CENPN: variants seen among roughly 807,000 people sequenced by gnomAD.
The protein encoded by CENPN is interphase centromere complex protein 32.
Under a neutral mutation model 48.6 loss-of-function variants are expected in CENPN, and 36 were observed. The ratio of observed to expected loss-of-function variants is 0.74; its 90% CI spans 0.57 to 0.98. The LOEUF (loss-of-function observed/expected upper bound fraction) is 0.98, where lower values mean the gene tolerates loss of function less well. Ranked by LOEUF, CENPN falls within the 50% of genes least tolerant of loss-of-function variation. The probability of loss-of-function intolerance (pLI) is 0.00; values close to 1 mark genes in which losing one functional copy is unlikely to be tolerated. For synonymous variants in CENPN, 166 were observed against 135.2 expected, an observed-to-expected ratio of 1.23 and a Z score of -1.58; for missense variants, 439 against 399.2, an observed-to-expected ratio of 1.10 and a Z score of -0.85.
Position 81,014,116 on chromosome 16 carries a change from T to C in CENPN, c.172-20T>C. On this transcript the variant is annotated intron_variant, in intron 2 of 10. Coordinates refer to ENST00000305850, the MANE Select transcript of CENPN (RefSeq NM_001100624.3). ...CAAACCTATAACCACAGTTACTAAA[T>C]AATTTGTTTTCTCTTTTAGGAAAAG... The C allele has an allele frequency of 1.2e-6, 2 of 1,608,712 alleles. No individual in the cohort carries two copies. The highest frequency in any genetic ancestry group is 1.7e-6 in the Non-Finnish European group (2 of 1,175,344).
Position 81,029,102 on chromosome 16 carries a change from C to G in CENPN, c.*451C>G. On this transcript the variant is annotated 3_prime_UTR_variant, in exon 11 of 11. Transcript: ENST00000305850. The stretch of plus-strand genomic sequence containing the variant: ...ACAAGGAACTATACTCAACTCAAAA[C>G]TTTTTAGGAGAATCATGAAATTGGT... 1.0e-6 allele frequency: 1 copy of G among 985,748 alleles called. No individual in the cohort carries two copies. The highest frequency in any genetic ancestry group is 1.2e-6 in the Non-Finnish European group (1 of 830,246). The allele number at this position is 985,748 out of a possible 1,614,324, so 61.1% of individuals were successfully genotyped here.
At chr16:81,017,148 C>T in intron 3 of CENPN, 178 bp from the exon 4 acceptor site, 1 of 426,110 alleles carries the variant, frequency 2.3e-6, no homozygotes. Flanking sequence ...TTATGATTTG[C>T]TTTATTTATA....
At chr16:81,010,839 C>A (rs927629021) in intron 1 of CENPN, among the ~76,000 whole-genome samples, 1 of 152,144 alleles carries the variant, frequency 6.6e-6, no homozygotes, top group South Asian at 2.1e-4. Context: ...CTGGAAACCC[C>A]GTGAGTTCCC....
intron 5 of CENPN, among the ~76,000 whole-genome samples, chr16:81,018,533 A>G (rs189331331): frequency 5.3e-5 from 8 of 152,328 alleles, no homozygotes; most frequent in Non-Finnish European, 1.0e-4. Context: ...ACATGTAGCT[A>G]GTAGTTCCAG....
At chr16:81,018,257 A>G (rs977459636) in intron 5 of CENPN, among the ~76,000 whole-genome samples, 5 of 151,754 alleles carry the variant, frequency 3.3e-5, no homozygotes, top group Admixed American at 3.3e-4. Flanking sequence ...GCTCACTGCA[A>G]CTGCCTCCTG....
chr16:81,014,980 A>C (rs556942790), intron 3 of CENPN, among the ~76,000 whole-genome samples: 16 of 152,366 alleles, frequency 1.1e-4, no homozygotes, highest in African/African-American at 3.8e-4. Flanking sequence ...CTGTAGGCTA[A>C]TGTAAGTGCT....
At chr16:81,026,028 C>T (rs1970451742) in intron 8 of CENPN, among the ~76,000 whole-genome samples, 1 of 146,840 alleles carries the variant, frequency 6.8e-6, no homozygotes, top group African/African-American at 2.5e-5. Flanking sequence ...AAAAAAAATA[C>T]ATATATAGGC....
intron 6 of CENPN, among the ~76,000 whole-genome samples, chr16:81,020,795 G>A (rs1970153771): frequency 6.6e-6 from 1 of 152,054 alleles, no homozygotes; most frequent in African/African-American, 2.4e-5. Flanking sequence ...ATGGTTATTA[G>A]AAAAGCCAGG....
At position 81,011,947 on chromosome 16, in the gene CENPN, A is replaced by G; in HGVS notation, c.8A>G (p.Glu3Gly). The change falls in exon 2 of 11, where the codon GAG (glutamate) becomes GGG (glycine). Residue 3 changes from glutamate (E) to glycine (G), a missense_variant. Transcript: ENST00000305850. MD[E>G]TVAEFIKRTI... ...TGTAAAAGTGCCAAAGAGATGGATGAGACTGTTGCTGAGTTCATCAAGAGG... is the reference window on the plus strand; with the variant it reads ...TGTAAAAGTGCCAAAGAGATGGATGGGACTGTTGCTGAGTTCATCAAGAGG... 6.2e-7 allele frequency: 1 copy of G among 1,613,666 alleles called. No individual in the cohort carries two copies. Among genetic ancestry groups the G allele is most frequent in the African/African-American group, 1.3e-5 (1 of 75,034 alleles).
chr16:81,016,077 A>G (rs999441627), intron 3 of CENPN, among the ~76,000 whole-genome samples: 1 of 152,110 alleles, frequency 6.6e-6, no homozygotes, highest in Admixed American at 6.6e-5. Flanking sequence ...GTGCAGAGAC[A>G]ATTTTAAGCC....
chr16:81,024,715 A>G lies in CENPN; in HGVS notation c.634A>G (p.Thr212Ala), dbSNP rs778920346. Residue 212 changes from threonine to alanine, a missense_variant and splice_region_variant, in exon 8 of 11, where the codon ACC (threonine) becomes GCC (alanine). Coordinates refer to ENST00000305850, the MANE Select transcript of CENPN (RefSeq NM_001100624.3). ...AAAATATTCACTTTTTTTTCCCTAG[A>G]CCTTTGAAACTCACAACTCTACGAC... ...KAIVFKQYNQ[T>A]FETHNSTTPL... The G allele has an allele frequency of 1.6e-5, 25 of 1,603,006 alleles. No individual in the cohort carries two copies. In the South Asian group the frequency reaches 2.6e-4, roughly 16 times the overall value.
At chr16:81,013,731 A>G (rs1208644653) in intron 2 of CENPN, among the ~76,000 whole-genome samples, 1 of 152,154 alleles carries the variant, frequency 6.6e-6, no homozygotes, top group Non-Finnish European at 1.5e-5. Context: ...CAAAAAAAAA[A>G]AGAGACACGA....
In CENPN at chr16:81,029,367, C is replaced by G. The variant is rs1282749002; in HGVS notation, c.*716C>G. The G allele has an allele frequency of 1.1e-6, 1 of 918,358 alleles. No individual in the cohort carries two copies. Among genetic ancestry groups the G allele is most frequent in the Non-Finnish European group, 1.3e-6 (1 of 769,078 alleles). 56.9% of individuals were successfully genotyped at this position (918,358 alleles called of 1,614,324 possible). A position where few individuals can be genotyped will look rare whatever the true frequency, so the allele number is the denominator to read the frequency against. ...CAGTGATCATCACTAAATACCCTATCTTTTTAAAAATTTTTTCCTTTCTAA... is the reference window on the plus strand; with the variant it reads ...CAGTGATCATCACTAAATACCCTATGTTTTTAAAAATTTTTTCCTTTCTAA... On this transcript the variant is annotated 3_prime_UTR_variant, in exon 11 of 11. Coordinates refer to ENST00000305850, the MANE Select transcript of CENPN (RefSeq NM_001100624.3).
In CENPN at chr16:81,029,892, C is replaced by A. The variant is rs1399763033; in HGVS notation, c.*1241C>A. On this transcript the variant is annotated 3_prime_UTR_variant, in exon 11 of 11. Transcript: ENST00000305850. Reference sequence around the variant, plus strand: ...ATTCTCATGCTGCTAATAAAGATACCTAAGACTGGGTAATTCACAAAGGAA... The same window carrying A: ...ATTCTCATGCTGCTAATAAAGATACATAAGACTGGGTAATTCACAAAGGAA... 6.6e-6 allele frequency among the ~76,000 whole-genome samples: 1 copy of A among 152,092 alleles called. No homozygotes were observed. The highest frequency in any genetic ancestry group is 1.5e-5 in the Non-Finnish European group (1 of 68,020).
rs1969988666 is a variant in CENPN, at chr16:81,017,656, G to A, written c.278-102G>A. On this transcript the variant is annotated intron_variant, in intron 4 of 10. Coordinates refer to ENST00000305850, the MANE Select transcript of CENPN (RefSeq NM_001100624.3). ...TGTGTGATTTGATCATTATTACTCT[G>A]GAATTATACAAAATGCTTAGTTTCA... 3 of 834,938 alleles carry A rather than the reference G, an allele frequency of 3.6e-6. No homozygotes were observed. The African/African-American group carries it at 5.2e-5, about 14-fold the overall frequency. The allele number at this position is 834,938 out of a possible 1,614,324, so 51.7% of individuals were successfully genotyped here. A position where few individuals can be genotyped will look rare whatever the true frequency, so the allele number is the denominator to read the frequency against.
intron 3 of CENPN, among the ~76,000 whole-genome samples, chr16:81,015,048 A>C (rs771239604): frequency 6.6e-6 from 1 of 152,206 alleles, no homozygotes; most frequent in Non-Finnish European, 1.5e-5. Context: ...TAGGTGAATT[A>C]TTTTCACCTC....
chr16:81,018,456 G>T (rs893144641), intron 5 of CENPN, among the ~76,000 whole-genome samples: 2 of 152,124 alleles, frequency 1.3e-5, no homozygotes, highest in African/African-American at 4.8e-5. Flanking sequence ...TTACAGGTGT[G>T]AGCCACCGCA....
chr16:81,032,755 T>C (rs1970824894), downstream of CENPN: 1 of 1,512,542 alleles, frequency 6.6e-7, no homozygotes, highest in Non-Finnish European at 9.0e-7. Flanking sequence ...TCTCTCCTGA[T>C]ATACAGCTAA....
intron 4 of CENPN, 34 bp downstream of exon 4, chr16:81,017,419 A>G: frequency 6.9e-7 from 1 of 1,455,124 alleles, no homozygotes; most frequent in South Asian, 1.2e-5. Context: ...AATATTTGAT[A>G]GTTTGGCTTG....
Sources: gnomAD v4.1 joint callset for allele counts (sites outside exome capture counted in the v4.1 genomes callset) on GRCh38, gnomAD v4.1.1 for gene constraint, MANE v1.5 for transcripts, NCBI Gene and HGNC (gene_info 2026-07-23, HGNC 2026-07-21) for gene names.